SEC22A: variants seen among roughly 807,000 people sequenced by gnomAD.
SEC22A encodes SEC22 homolog A, vesicle trafficking protein.
Under a neutral mutation model 35.3 loss-of-function variants are expected in SEC22A, and 22 were observed. That is an observed-to-expected ratio of 0.62 (90% confidence interval 0.45 to 0.89). The LOEUF (loss-of-function observed/expected upper bound fraction) is 0.89. Among genes scored for constraint, SEC22A ranks in the 40% least tolerant of loss-of-function variants. The pLI is 0.00. For missense variants in SEC22A, 354 were observed against 362.5 expected (o/e 0.98, Z 0.19); for synonymous variants, 119 against 129.5 (o/e 0.92, Z 0.55).
At chr3:123,241,551 C>T (rs1462756427) in intron 4 of SEC22A, among the ~76,000 whole-genome samples, 1 of 152,146 alleles carries the variant, frequency 6.6e-6, no homozygotes, top group Admixed American at 6.5e-5. Context: ...TCTATTTCAT[C>T]TTCACTGAAT....
At chr3:123,253,276 C>T (rs528641663) in intron 5 of SEC22A, among the ~76,000 whole-genome samples, 1 of 152,116 alleles carries the variant, frequency 6.6e-6, no homozygotes, top group Non-Finnish European at 1.5e-5. Flanking sequence ...GCCCAGGGGC[C>T]ATTTCTTAGG....
At chr3:123,240,845 G>T (rs1937513713) in intron 4 of SEC22A, among the ~76,000 whole-genome samples, 1 of 151,630 alleles carries the variant, frequency 6.6e-6, no homozygotes. Context: ...CTAAATTTAG[G>T]GTTTAAACTG....
At chr3:123,250,090 C>T (rs1300591468) in intron 5 of SEC22A, among the ~76,000 whole-genome samples, 1 of 152,108 alleles carries the variant, frequency 6.6e-6, no homozygotes, top group East Asian at 1.9e-4. Flanking sequence ...AAAAATCCAT[C>T]ATTAAAACAC....
chr3:123,230,334 T>C (rs751380338), intron 4 of SEC22A, among the ~76,000 whole-genome samples: 3 of 152,088 alleles, frequency 2.0e-5, no homozygotes, highest in Non-Finnish European at 4.4e-5. Flanking sequence ...CAGATGATAA[T>C]TCAAATCAAC....
chr3:123,221,470 CAAAAAAAAA>C (rs56800842), intron 2 of SEC22A, among the ~76,000 whole-genome samples: 1 of 60,606 alleles, frequency 1.7e-5, no homozygotes, highest in Non-Finnish European at 2.9e-5. Flanking sequence ...GAGTCCATCT[CAAAAAAAAA>C]AAAAAAAAAA....
intron 4 of SEC22A, among the ~76,000 whole-genome samples, chr3:123,234,597 T>A (rs1024352618): frequency 8.6e-5 from 13 of 151,502 alleles, no homozygotes; most frequent in Admixed American, 5.3e-4. Context: ...TCAAAAAAAA[T>A]ATATAAATTA....
intron 4 of SEC22A, among the ~76,000 whole-genome samples, chr3:123,230,985 A>G (rs1231493916): frequency 1.3e-5 from 2 of 152,144 alleles, no homozygotes; most frequent in Non-Finnish European, 2.9e-5. Context: ...AAAAAAAGAT[A>G]AATGAAGAGG....
chr3:123,209,352 T>C lies in SEC22A; in HGVS notation c.135T>C (p.Ala45=). The change falls in exon 2 of 7, where the codon GCT becomes GCC. Residue 45 remains alanine (A), a synonymous_variant. Transcript: ENST00000492595. ...KYFKMLSRKL[A]QLPDRCTLKT... The stretch of plus-strand genomic sequence containing the variant: ...TTAAAATGCTTTCGAGGAAACTTGC[T>C]CAACTTCCTGATAGATGTACACTGA... The C allele has an allele frequency of 1.9e-6, 3 of 1,614,090 alleles. No homozygotes were observed. Among genetic ancestry groups the C allele is most frequent in the Non-Finnish European group, 2.5e-6 (3 of 1,179,960 alleles).
At chr3:123,211,375 AT>A (rs1198705615) in intron 2 of SEC22A, among the ~76,000 whole-genome samples, 1 of 152,152 alleles carries the variant, frequency 6.6e-6, no homozygotes, top group Non-Finnish European at 1.5e-5. Context: ...ATTGGACAGA[AT>A]GTTGGTGTCA....
At chr3:123,269,706 C>T (rs929975333) in intron 6 of SEC22A, among the ~76,000 whole-genome samples, 4 of 140,686 alleles carry the variant, frequency 2.8e-5, no homozygotes, top group African/African-American at 1.1e-4. Flanking sequence ...GATCTCGGCT[C>T]ACTGCAACCT....
intron 5 of SEC22A, among the ~76,000 whole-genome samples, chr3:123,254,114 T>C (rs1937668239): frequency 6.6e-6 from 1 of 152,232 alleles, no homozygotes; most frequent in Non-Finnish European, 1.5e-5. Flanking sequence ...CCCTAATTAT[T>C]ATAAACATTT....
chr3:123,247,854 A>G (rs1553711922), intron 5 of SEC22A, among the ~76,000 whole-genome samples: 1 of 152,222 alleles, frequency 6.6e-6, no homozygotes. Context: ...CACTGCAGAA[A>G]TAATTAACAC....
rs755074762 is a variant in SEC22A at position 123,259,428 on chromosome 3, CTGTT to C, written c.658-92_658-89del. ...ATATACCAGTGTGTGACAATTTTGA[CTGTT>C]TGTAAATATTGTTACATCCTATCTT... On this transcript the variant is annotated intron_variant, in intron 5 of 6. Coordinates refer to ENST00000492595, the MANE Select transcript of SEC22A (RefSeq NM_012430.5). 316 of 829,104 alleles carry C rather than the reference CTGTT, an allele frequency of 3.8e-4. 1 individual carries two copies. The highest frequency in any genetic ancestry group is 1.7e-3 in the East Asian group (63 of 38,012). The allele number at this position is 829,104 out of a possible 1,614,324, so 51.4% of individuals were successfully genotyped here.
chr3:123,213,393 T>C (rs6801755), intron 2 of SEC22A, among the ~76,000 whole-genome samples: 29,801 of 152,150 alleles, frequency 0.2, 3,024 homozygotes, highest in Middle Eastern at 0.28. Context: ...ACAGGTCTGC[T>C]GTAGCAACAT....
chr3:123,231,958 G>T (rs1483110014), intron 4 of SEC22A, among the ~76,000 whole-genome samples: 3 of 152,130 alleles, frequency 2.0e-5, no homozygotes, highest in Non-Finnish European at 4.4e-5. Context: ...AAATGAAGGG[G>T]CCAGGCACGG....
At chr3:123,268,452 C>T (rs745931477) in intron 6 of SEC22A, among the ~76,000 whole-genome samples, 7 of 152,152 alleles carry the variant, frequency 4.6e-5, no homozygotes, top group Non-Finnish European at 7.4e-5. Flanking sequence ...TTTTCCTCCA[C>T]AGTTCAGAGT....
rs113064411 is a variant in SEC22A, at chr3:123,269,491, C to T, written c.724-2031C>T. Among the ~76,000 whole-genome samples the T allele has an allele frequency of 9.9e-3, 1,512 of 152,064 alleles. 18 individuals are homozygous for T. Among genetic ancestry groups the T allele is most frequent in the Middle Eastern group, 0.037 (11 of 294 alleles). ...ATTTAATATGTAATAACATGTATTG[C>T]GTATCACCTCTGATATTCTTGCCAA... On this transcript the variant is annotated intron_variant, in intron 6 of 6. Coordinates refer to ENST00000492595, the MANE Select transcript of SEC22A (RefSeq NM_012430.5).
chr3:123,223,140 TCTTCTGTGTTCTGG>T (rs1368033257), intron 2 of SEC22A, among the ~76,000 whole-genome samples: 1 of 152,248 alleles, frequency 6.6e-6, no homozygotes, highest in African/African-American at 2.4e-5. Context: ...TTGTGTGCAA[TCTTCTGTGTTCTGG>T]CATCTTTCTA....
intron 1 of SEC22A, among the ~76,000 whole-genome samples, chr3:123,205,693 AAACAAAAAAAC>A (rs1182215218): frequency 1.3e-5 from 2 of 152,090 alleles, no homozygotes; most frequent in Non-Finnish European, 2.9e-5. Flanking sequence ...AAACAAAACA[AAACAAAAAAAC>A]AACAAAAAAA....
Sources: gnomAD v4.1 joint callset for allele counts (sites outside exome capture counted in the v4.1 genomes callset) on GRCh38, gnomAD v4.1.1 for gene constraint, MANE v1.5 for transcripts, NCBI Gene and HGNC (gene_info 2026-07-23, HGNC 2026-07-21) for gene names.